The following RNF13 variants were observed in gnomAD, a reference collection of about 807,000 sequenced individuals.
RNF13 encodes the protein ring finger protein 13.
RNF13 carries 19 observed loss-of-function variants against 37.7 expected under a neutral mutation model. That is an observed-to-expected ratio of 0.50 (90% CI 0.35 to 0.74). RNF13 has a LOEUF of 0.74. Among genes scored for constraint, RNF13 ranks in the 30% least tolerant of loss-of-function variants. RNF13 has a pLI of 0.01. For missense variants in RNF13, 375 were observed against 453.0 expected (o/e 0.83, Z 1.56); for synonymous variants, 144 against 157.8 (o/e 0.91, Z 0.65).
rs759885346 is a variant in RNF13 at position 149,852,533 on chromosome 3, A to G, written c.132A>G (p.Ala44=). ...ATTTTTAGTATAACTTTGAAAATGC[A>G]TCTCAGACATTTGATGACCTCCCTG... ...ADILAYNFEN[A]SQTFDDLPAR... is the part of the protein sequence containing the mutation. Residue 44 remains alanine (A), a synonymous_variant, in exon 3 of 10, where the codon GCA becomes GCG. Coordinates refer to ENST00000392894, the MANE Select transcript of RNF13 (RefSeq NM_183381.3). The G allele has an allele frequency of 6.5e-7, 1 of 1,547,990 alleles. No homozygotes were observed. The highest frequency in any genetic ancestry group is 8.8e-7 in the Non-Finnish European group (1 of 1,140,436).
chr3:149,815,904 C>T (rs926393759), intron 1 of RNF13, among the ~76,000 whole-genome samples: 2 of 151,640 alleles, frequency 1.3e-5, no homozygotes, highest in African/African-American at 4.8e-5. Context: ...TAAGTTGTTT[C>T]CTTTTTATTT....
intron 3 of RNF13, among the ~76,000 whole-genome samples, chr3:149,860,267 AAAAATAT>A (rs1239868037): frequency 2.0e-4 from 19 of 97,254 alleles, no homozygotes; most frequent in African/African-American, 6.4e-4. Context: ...AAAAAAAAAA[AAAAATAT>A]ATATATATAT....
chr3:149,932,399 C>T (rs539015415), intron 8 of RNF13, among the ~76,000 whole-genome samples: 17 of 152,288 alleles, frequency 1.1e-4, no homozygotes, highest in African/African-American at 3.9e-4. Context: ...AAAGTCTTAA[C>T]TCATTCCACC....
chr3:149,948,863 C>CA (rs1024223226), intron 8 of RNF13, among the ~76,000 whole-genome samples: 20 of 151,946 alleles, frequency 1.3e-4, no homozygotes, highest in Non-Finnish European at 2.4e-4. Context: ...CTCATCTCTA[C>CA]AAAAAAACAC....
chr3:149,833,244 C>T (rs376750632), intron 1 of RNF13, among the ~76,000 whole-genome samples: 7 of 151,556 alleles, frequency 4.6e-5, no homozygotes, highest in South Asian at 4.2e-4. Flanking sequence ...CTCAGCCTCC[C>T]GAGTAGCTGG....
chr3:149,946,166 T>C (rs1720756837), intron 8 of RNF13, among the ~76,000 whole-genome samples: 1 of 152,082 alleles, frequency 6.6e-6, no homozygotes, highest in Admixed American at 6.5e-5. Context: ...CTAAAAACCT[T>C]GAGAAAAGAT....
At chr3:149,946,760 G>GT (rs1720807591) in intron 8 of RNF13, among the ~76,000 whole-genome samples, 1 of 152,078 alleles carries the variant, frequency 6.6e-6, no homozygotes, top group Non-Finnish European at 1.5e-5. Flanking sequence ...AATACCAACT[G>GT]TTGGTTTTGT....
chr3:149,923,593 C>T (rs995944623), intron 8 of RNF13, among the ~76,000 whole-genome samples: 9 of 151,570 alleles, frequency 5.9e-5, no homozygotes, highest in East Asian at 5.8e-4. Context: ...GGTGAAACCC[C>T]GTCTCTACTA....
intron 8 of RNF13, among the ~76,000 whole-genome samples, chr3:149,949,468 A>G (rs1164175944): frequency 3.3e-5 from 5 of 149,860 alleles, no homozygotes; most frequent in Admixed American, 6.6e-5. Context: ...CTCTGTCACT[A>G]GACAGTTTAA....
chr3:149,871,793 T>TTAG (rs1712091292), intron 3 of RNF13, among the ~76,000 whole-genome samples: 2 of 152,178 alleles, frequency 1.3e-5, no homozygotes, highest in Admixed American at 1.3e-4. Context: ...CTGAGTTTGC[T>TTAG]TATTATTATT....
At chr3:149,817,838 G>C (rs552074541) in intron 1 of RNF13, among the ~76,000 whole-genome samples, 3 of 152,026 alleles carry the variant, frequency 2.0e-5, no homozygotes, top group East Asian at 3.9e-4. Flanking sequence ...CTTCACAAGT[G>C]GGGGGCAAAC....
chr3:149,925,459 A>G (rs1274137011), intron 8 of RNF13, among the ~76,000 whole-genome samples: 2 of 152,148 alleles, frequency 1.3e-5, no homozygotes, highest in East Asian at 3.9e-4. Context: ...ACGAATGCAT[A>G]CCTAAACAGT....
chr3:149,864,137 A>G (rs914527506), intron 3 of RNF13, among the ~76,000 whole-genome samples: 2 of 149,122 alleles, frequency 1.3e-5, no homozygotes, highest in African/African-American at 2.5e-5. Flanking sequence ...TGTTGGAGGT[A>G]AGGCACAATG....
chr3:149,910,667 G>A (rs1035477381), intron 6 of RNF13, among the ~76,000 whole-genome samples: 10 of 152,032 alleles, frequency 6.6e-5, no homozygotes, highest in South Asian at 2.1e-4. Flanking sequence ...TGAACCTTTC[G>A]GTTATGAAAT....
intron 3 of RNF13, among the ~76,000 whole-genome samples, chr3:149,854,718 T>TTTACCTCACAACA (rs1723478157): frequency 6.6e-6 from 1 of 152,148 alleles, no homozygotes; most frequent in Non-Finnish European, 1.5e-5. Flanking sequence ...CCTTTGTGGT[T>TTTACCTCACAACA]TTACCTCACA....
At chr3:149,874,485 A>G (rs1268111308) in intron 4 of RNF13, among the ~76,000 whole-genome samples, 1 of 152,182 alleles carries the variant, frequency 6.6e-6, no homozygotes, top group Non-Finnish European at 1.5e-5. Flanking sequence ...GAACTAATCA[A>G]TGTTAAATGC....
chr3:149,875,620 A>AT lies in RNF13; in HGVS notation c.321+3472dup, dbSNP rs557248331. Among the ~76,000 whole-genome samples, 68 of 152,256 alleles carry AT rather than the reference A, an allele frequency of 4.5e-4. 1 individual carries two copies. The South Asian group carries it at 0.012, about 28-fold the overall frequency. The stretch of plus-strand genomic sequence containing the variant: ...TCCAAATAAAGAGAGCCATTGTTTA[A>AT]TTTTTTATCTTCTGTTGAGAGAAGC... On this transcript the variant is annotated intron_variant, in intron 4 of 9. Coordinates refer to ENST00000392894, the MANE Select transcript of RNF13 (RefSeq NM_183381.3).
intron 1 of RNF13, among the ~76,000 whole-genome samples, chr3:149,834,267 A>G (rs1258822522): frequency 6.6e-6 from 1 of 152,226 alleles, no homozygotes; most frequent in Non-Finnish European, 1.5e-5. Context: ...ATCCTAAACC[A>G]TATATGGAAT....
Position 149,868,085 on chromosome 3 carries a change from T to G in RNF13, c.196-3944T>G, listed in dbSNP as rs192043105. 2.4e-4 allele frequency among the ~76,000 whole-genome samples: 36 copies of G among 151,986 alleles called. No homozygotes were observed. The East Asian group carries it at 5.8e-3, about 24-fold the overall frequency. On this transcript the variant is annotated intron_variant, in intron 3 of 9. Coordinates refer to ENST00000392894, the MANE Select transcript of RNF13 (RefSeq NM_183381.3). ...TACACTTTAACTGTGTCCCTCATAT[T>G]TTGGCTTTTAGTTGTCTCAGTTCAC...
Sources: gnomAD v4.1 joint callset for allele counts (sites outside exome capture counted in the v4.1 genomes callset) on GRCh38, gnomAD v4.1.1 for gene constraint, MANE v1.5 for transcripts, NCBI Gene and HGNC (gene_info 2026-07-23, HGNC 2026-07-21) for gene names.